Variants in MRPL27 observed in about 807,000 individuals in gnomAD.
MRPL27 encodes the protein large ribosomal subunit protein bL27m.
MRPL27 carries 4 observed loss-of-function variants against 14.6 expected under a neutral mutation model. The observed-to-expected ratio is 0.27, with a 90% CI of 0.14 to 0.63. The LOEUF is 0.63. Among genes scored for constraint, MRPL27 ranks in the 20% least tolerant of loss-of-function variants. MRPL27 has a pLI of 0.85. For synonymous variants in MRPL27, 82 were observed against 75.5 expected (o/e 1.09, Z -0.45); for missense variants, 196 against 192.8 (o/e 1.02, Z -0.10).
Position 50,370,514 on chromosome 17 carries a change from C to A in MRPL27, c.113G>T (p.Ser38Ile). ...VRYASKKSGG[S>I]SKNLGGKSSG... ...TGACTTTCCACCGAGGTTTTTGGAG[C>A]TACCACCCGACTTCTTGGATGCGTA... The change falls in exon 2 of 4, where the codon AGC becomes ATC. Residue 38 changes from serine (S) to isoleucine (I), a missense_variant. Transcript: ENST00000225969. 6.2e-7 allele frequency: 1 copy of A among 1,614,182 alleles called. No homozygotes were observed. Among genetic ancestry groups the A allele is most frequent in the South Asian group, 1.1e-5 (1 of 91,086 alleles).
chr17:50,372,115 T>G (rs1226605734), intron 1 of MRPL27, among the ~76,000 whole-genome samples: 1 of 152,230 alleles, frequency 6.6e-6, no homozygotes, highest in Non-Finnish European at 1.5e-5. Flanking sequence ...ACTTTCCATT[T>G]GATTTCCTCA....
At position 50,370,197 on chromosome 17, in the gene MRPL27, G is replaced by C; in HGVS notation, c.173-98C>G. ...ACACCAACCTCCAAGCCTGCCCCTGGCCAAAAACAACTCCCAGACAGTCCA... is the reference window on the plus strand; with the variant it reads ...ACACCAACCTCCAAGCCTGCCCCTGCCCAAAAACAACTCCCAGACAGTCCA... On this transcript the variant is annotated intron_variant, in intron 2 of 3. Transcript: ENST00000225969. 3.8e-6 allele frequency: 5 copies of C among 1,318,428 alleles called. 1 individual carries two copies. The South Asian group carries it at 4.2e-5, about 11-fold the overall frequency. The allele number at this position is 1,318,428 out of a possible 1,614,324, so 81.7% of individuals were successfully genotyped here.
chr17:50,369,102 C>T, intron 3 of MRPL27: 1 of 501,412 alleles, frequency 2.0e-6, no homozygotes, highest in Non-Finnish European at 3.5e-6. Context: ...AGGCAAGTTA[C>T]TTCACTGTGC....
chr17:50,372,814 AT>A, intron 1 of MRPL27: 1 of 415,184 alleles, frequency 2.4e-6, no homozygotes, highest in Non-Finnish European at 4.4e-6. Context: ...CAATAGATTA[AT>A]TTTTTCAACC....
intron 1 of MRPL27, among the ~76,000 whole-genome samples, chr17:50,371,980 T>C (rs1913167457): frequency 6.6e-6 from 1 of 152,174 alleles, no homozygotes; most frequent in African/African-American, 2.4e-5. Flanking sequence ...TGTCCTCACA[T>C]ATTGTTCACC....
Position 50,367,921 on chromosome 17 carries a change from G to A in MRPL27, c.*171C>T, listed in dbSNP as rs116528588. 1.1e-3 allele frequency: 784 copies of A among 699,268 alleles called. 3 individuals are homozygous for A. In the African/African-American group the frequency reaches 0.012, roughly 11 times the overall value. 43.3% of individuals were successfully genotyped at this position (699,268 alleles called of 1,614,324 possible). A position where few individuals can be genotyped will look rare whatever the true frequency, so the allele number is the denominator to read the frequency against. On this transcript the variant is annotated 3_prime_UTR_variant, in exon 4 of 4. Transcript: ENST00000225969. ...TGGCTCACTTTATTTTTGGCCCCAGGTCAGGTCTCCCAAAGGGTTTCCCAG... is the reference window on the plus strand; with the variant it reads ...TGGCTCACTTTATTTTTGGCCCCAGATCAGGTCTCCCAAAGGGTTTCCCAG...
rs148980265 is a variant in MRPL27, at chr17:50,370,093, T to C, written c.179A>G (p.Tyr60Cys). Reference sequence around the variant, plus strand: ...TGCAATGATGTTCCCAGCATGAACATAGTGACCTAGAAGAGAAGTCCACAG... The same window carrying C: ...TGCAATGATGTTCCCAGCATGAACACAGTGACCTAGAAGAGAAGTCCACAG... ...RQGIKKMEGH[Y>C]VHAGNIIATQ... Residue 60 changes from tyrosine to cysteine, a missense_variant, in exon 3 of 4, where the codon TAT (tyrosine) becomes TGT (cysteine). Transcript: ENST00000225969. The C allele has an allele frequency of 1.1e-5, 17 of 1,611,868 alleles. No individual in the cohort carries two copies. In the African/African-American group the frequency reaches 1.1e-4, roughly 10 times the overall value.
intron 1 of MRPL27, among the ~76,000 whole-genome samples, chr17:50,371,458 A>G (rs894627501): frequency 4.6e-5 from 7 of 152,186 alleles, no homozygotes; most frequent in African/African-American, 1.4e-4. Context: ...CTCCATACTC[A>G]TTCCAAAGTG....
intron 3 of MRPL27, 129 bp downstream of exon 3, chr17:50,369,903 G>A: frequency 9.9e-7 from 1 of 1,011,294 alleles, no homozygotes; most frequent in Non-Finnish European, 1.5e-6. Context: ...GATCGTGTAG[G>A]CATGGGAATC....
chr17:50,370,779 C>CGG (rs1318376272), intron 1 of MRPL27, 193 bp from the exon 2 acceptor site: 2 of 339,248 alleles, frequency 5.9e-6, no homozygotes, highest in East Asian at 5.1e-5. Flanking sequence ...GGGGAGGGGG[C>CGG]GGGGGAGCAG....
chr17:50,369,938 G>T, intron 3 of MRPL27, 94 bp downstream of exon 3: 1 of 1,364,696 alleles, frequency 7.3e-7, no homozygotes, highest in Non-Finnish European at 1.0e-6. Flanking sequence ...CATTTGGTAA[G>T]CACTCAATAC....
At chr17:50,369,644 A>C (rs1461298684) in intron 3 of MRPL27, 1 of 218,780 alleles carries the variant, frequency 4.6e-6, no homozygotes, top group Admixed American at 6.2e-5. Flanking sequence ...ATAATGAAAA[A>C]CTAATAAATT....
chr17:50,372,257 G>C (rs576135277), intron 1 of MRPL27, among the ~76,000 whole-genome samples: 5 of 137,228 alleles, frequency 3.6e-5, no homozygotes, highest in East Asian at 2.0e-4. Flanking sequence ...TTTTTTTTTG[G>C]GGGGGGGGGA....
chr17:50,372,514 G>C (rs1598358286), intron 1 of MRPL27, among the ~76,000 whole-genome samples: 1 of 152,130 alleles, frequency 6.6e-6, no homozygotes, highest in East Asian at 1.9e-4. Flanking sequence ...CAAAGTGTTG[G>C]GACTACAGGC....
chr17:50,368,171 C>T lies in MRPL27; in HGVS notation c.368G>A (p.Gly123Asp), dbSNP rs758166294. The T allele has an allele frequency of 3.1e-6, 5 of 1,614,208 alleles. No individual in the cohort carries two copies. In the South Asian group the frequency reaches 3.3e-5, roughly 11 times the overall value. Residue 123 changes from glycine to aspartate, a missense_variant, in exon 4 of 4, where the codon GGT becomes GAT. Gly to Asp is a moderately conservative substitution (Grantham distance 94). Transcript: ENST00000225969. ...AVDLITRLPK[G>D]AVLYKTFVHV... ...GACAAAAGTCTTGTAGAGCACAGCA[C>T]CCTTGGGCAGCCTGGTGATCAGATC...
Position 50,370,044 on chromosome 17 carries a change from G to C in MRPL27, c.228C>G (p.His76Gln). ...IIATQRHFRW[H>Q]PGAHVGVGKN... ...CGGAGCAACTCACATGGGCACCTGG[G>C]TGCCAGCGGAAATGGCGCTGTGTTG... Residue 76 changes from histidine (H) to glutamine (Q), a missense_variant, in exon 3 of 4, where the codon CAC becomes CAG. By Grantham distance (24) the His-to-Gln change is conservative. Coordinates refer to ENST00000225969, the MANE Select transcript of MRPL27 (RefSeq NM_016504.3). 6.2e-7 allele frequency: 1 copy of C among 1,613,888 alleles called. No homozygotes were observed. Among genetic ancestry groups the C allele is most frequent in the Non-Finnish European group, 8.5e-7 (1 of 1,179,962 alleles).
intron 3 of MRPL27, chr17:50,368,803 G>A (rs1285163234): frequency 1.4e-6 from 1 of 699,344 alleles, no homozygotes; most frequent in Non-Finnish European, 2.6e-6. Flanking sequence ...ACCCATGTAA[G>A]CCCTTTAATA....
In MRPL27 at chr17:50,368,191, C is replaced by G; in HGVS notation, c.348G>C (p.Leu116=). The G allele has an allele frequency of 1.2e-6, 2 of 1,614,220 alleles. No individual in the cohort carries two copies. Among genetic ancestry groups the G allele is most frequent in the Non-Finnish European group, 1.7e-6 (2 of 1,180,040 alleles). ...PHPRNTEAVD[L]ITRLPKGAVL... is the part of the protein sequence containing the mutation. ...CAGCACCCTTGGGCAGCCTGGTGAT[C>G]AGATCCACAGCCTCCGTGTTTCTGG... The change falls in exon 4 of 4, where the codon CTG becomes CTC. Residue 116 remains leucine (L), a synonymous_variant. Coordinates refer to ENST00000225969, the MANE Select transcript of MRPL27 (RefSeq NM_016504.3).
chr17:50,370,033 T>A lies in MRPL27; in HGVS notation c.239A>T (p.His80Leu). The A allele has an allele frequency of 6.2e-7, 1 of 1,613,936 alleles. No individual in the cohort carries two copies. Among genetic ancestry groups the A allele is most frequent in the Non-Finnish European group, 8.5e-7 (1 of 1,179,938 alleles). Reference sequence around the variant, plus strand: ...GGGGGCAGCAACGGAGCAACTCACATGGGCACCTGGGTGCCAGCGGAAATG... The same window carrying A: ...GGGGGCAGCAACGGAGCAACTCACAAGGGCACCTGGGTGCCAGCGGAAATG... ...QRHFRWHPGA[H>L]VGVGKNKCLY... is the part of the protein sequence containing the mutation. Residue 80 changes from histidine (H) to leucine (L), a missense_variant and splice_region_variant, in exon 3 of 4, where the codon CAT (histidine) becomes CTT (leucine). By Grantham distance (99) the His-to-Leu change is moderately conservative (BLOSUM62 -3). Transcript: ENST00000225969.
Sources: gnomAD v4.1 joint callset for allele counts (sites outside exome capture counted in the v4.1 genomes callset) on GRCh38, gnomAD v4.1.1 for gene constraint, MANE v1.5 for transcripts, NCBI Gene and HGNC (gene_info 2026-07-23, HGNC 2026-07-21) for gene names.